TMEM132D: variants seen among roughly 807,000 people sequenced by gnomAD.
TMEM132D encodes the protein mature OL transmembrane protein.
TMEM132D carries 21 observed loss-of-function variants against 62.3 expected under a neutral mutation model. The ratio of observed to expected loss-of-function variants is 0.34; its 90% confidence interval spans 0.24 to 0.49. The LOEUF is 0.49. Ranked by LOEUF, TMEM132D falls within the 20% of genes least tolerant of loss-of-function variation. TMEM132D has a pLI of 0.99. For synonymous variants in TMEM132D, 621 were observed against 575.6 expected, an observed-to-expected ratio of 1.08 and a Z score of -1.13; for missense variants, 1,346 against 1,402.8, an observed-to-expected ratio of 0.96 and a Z score of 0.65.
chr12:129,726,346 G>A (rs4760001), intron 1 of TMEM132D, among the ~76,000 whole-genome samples: 124,169 of 152,112 alleles, frequency 0.82, 51,375 homozygotes, highest in Non-Finnish European at 0.9. Context: ...ATTTGAAAAG[G>A]GACCCAGATA....
At chr12:129,882,783 T>A (rs150815382) in intron 1 of TMEM132D, among the ~76,000 whole-genome samples, 1 of 152,196 alleles carries the variant, frequency 6.6e-6, no homozygotes, top group South Asian at 2.1e-4. Context: ...CAGATGATCA[T>A]GGCAATTGGT....
intron 2 of TMEM132D, among the ~76,000 whole-genome samples, chr12:129,533,154 G>A (rs554007596): frequency 2.6e-5 from 4 of 152,128 alleles, no homozygotes; most frequent in East Asian, 1.9e-4. Context: ...TGATCATCAC[G>A]TATAACATTA....
At chr12:129,710,190 G>C (rs954461488) in intron 1 of TMEM132D, among the ~76,000 whole-genome samples, 2 of 152,218 alleles carry the variant, frequency 1.3e-5, no homozygotes, top group Non-Finnish European at 2.9e-5. Flanking sequence ...AATAATAGTT[G>C]TATCCACCTG....
At chr12:129,307,049 G>A (rs1475726635) in intron 4 of TMEM132D, among the ~76,000 whole-genome samples, 1 of 121,170 alleles carries the variant, frequency 8.3e-6, no homozygotes, top group African/African-American at 3.2e-5. Context: ...AAGTAACATA[G>A]GACAATAGAC....
chr12:129,282,174 C>T (rs895952311), intron 4 of TMEM132D, among the ~76,000 whole-genome samples: 1 of 152,168 alleles, frequency 6.6e-6, no homozygotes, highest in African/African-American at 2.4e-5. Flanking sequence ...TGAGGAAACA[C>T]TGAGGTTTGC....
chr12:129,301,983 A>C (rs1039899839), intron 4 of TMEM132D, among the ~76,000 whole-genome samples: 2 of 152,160 alleles, frequency 1.3e-5, no homozygotes, highest in African/African-American at 4.8e-5. Flanking sequence ...TAAAAAAAAA[A>C]ACGTATTGTC....
intron 4 of TMEM132D, among the ~76,000 whole-genome samples, chr12:129,226,093 T>C (rs549658422): frequency 2.6e-4 from 39 of 152,298 alleles, no homozygotes; most frequent in Middle Eastern, 3.4e-3. Context: ...GTGATGTTGA[T>C]TGCGTGTTAT....
chr12:129,770,678 C>G (rs1337393756), intron 1 of TMEM132D, among the ~76,000 whole-genome samples: 1 of 152,202 alleles, frequency 6.6e-6, no homozygotes, highest in Non-Finnish European at 1.5e-5. Context: ...AACATCACAG[C>G]TCAGCCTAGC....
At position 129,383,203 on chromosome 12, in the gene TMEM132D, C is replaced by T. The variant is rs76290862; in HGVS notation, c.1116-45386G>A. On this transcript the variant is annotated intron_variant, in intron 3 of 8. Coordinates refer to ENST00000422113, the MANE Select transcript of TMEM132D (RefSeq NM_133448.3). ...GCTGCCTCTCTCCACATGCAACCTACGTTCCAAATGTAAATTTGTATGTGT... is the reference window on the plus strand; with the variant it reads ...GCTGCCTCTCTCCACATGCAACCTATGTTCCAAATGTAAATTTGTATGTGT... 2.5e-3 allele frequency among the ~76,000 whole-genome samples: 377 copies of T among 152,284 alleles called. 1 individual carries two copies. Among genetic ancestry groups the T allele is most frequent in the Non-Finnish European group, 4.1e-3 (276 of 68,026 alleles).
intron 5 of TMEM132D, among the ~76,000 whole-genome samples, chr12:129,141,327 CATGTGTCTA>C (rs1449305866): frequency 6.6e-6 from 1 of 152,108 alleles, no homozygotes; most frequent in Admixed American, 6.5e-5. Context: ...TGAATTAGAC[CATGTGTCTA>C]ATGCTGTGGC....
intron 4 of TMEM132D, among the ~76,000 whole-genome samples, chr12:129,286,242 G>A (rs1442507164): frequency 6.6e-6 from 1 of 152,204 alleles, no homozygotes; most frequent in Non-Finnish European, 1.5e-5. Flanking sequence ...CAAAGCAGAA[G>A]GAGTACAGAA....
At chr12:129,455,633 G>A (rs1195439375) in intron 3 of TMEM132D, among the ~76,000 whole-genome samples, 1 of 152,176 alleles carries the variant, frequency 6.6e-6, no homozygotes, top group African/African-American at 2.4e-5. Context: ...AATTCTCCAA[G>A]GACAGAAAGG....
At chr12:129,654,297 AGTGTGT>A (rs10607475) in intron 2 of TMEM132D, among the ~76,000 whole-genome samples, 5 of 148,350 alleles carry the variant, frequency 3.4e-5, no homozygotes, top group African/African-American at 7.5e-5. Flanking sequence ...TGTGTGTGTG[AGTGTGT>A]GTGTGTGTGT....
intron 1 of TMEM132D, among the ~76,000 whole-genome samples, chr12:129,815,306 C>T (rs1327624872): frequency 6.6e-6 from 1 of 152,142 alleles, no homozygotes; most frequent in Non-Finnish European, 1.5e-5. Flanking sequence ...TAGCAGGTTT[C>T]AAAATAGTGT....
intron 1 of TMEM132D, among the ~76,000 whole-genome samples, chr12:129,849,377 A>G (rs1455743848): frequency 1.3e-5 from 2 of 152,234 alleles, no homozygotes; most frequent in African/African-American, 4.8e-5. Flanking sequence ...TAGGGGAAAA[A>G]GCAAATCTCC....
chr12:129,460,498 G>A (rs1873629861), intron 3 of TMEM132D, among the ~76,000 whole-genome samples: 1 of 152,156 alleles, frequency 6.6e-6, no homozygotes, highest in African/African-American at 2.4e-5. Context: ...TGATGGGCTT[G>A]TTACCTACCT....
chr12:129,903,522 G>A lies in TMEM132D; in HGVS notation c.-183C>T. ...GTCCATGGCCAGGCCGGGAGGCGAC[G>A]ACCGCGCGGGCTCCTGAGTTGCTCT... On this transcript the variant is annotated 5_prime_UTR_variant, in exon 1 of 9. Coordinates refer to ENST00000422113, the MANE Select transcript of TMEM132D (RefSeq NM_133448.3). This position sits in a 1 kb window ranked among gnomAD's most constrained non-coding sequence, Gnocchi z 6.2. 3.3e-6 allele frequency: 2 copies of A among 615,026 alleles called. No individual in the cohort carries two copies. Among genetic ancestry groups the A allele is most frequent in the Non-Finnish European group, 2.9e-6 (1 of 349,368 alleles). The allele number at this position is 615,026 out of a possible 1,614,324, so 38.1% of individuals were successfully genotyped here. A position where few individuals can be genotyped will look rare whatever the true frequency, so the allele number is the denominator to read the frequency against.
intron 1 of TMEM132D, among the ~76,000 whole-genome samples, chr12:129,875,796 A>G (rs545831688): frequency 6.6e-6 from 1 of 152,344 alleles, no homozygotes; most frequent in South Asian, 2.1e-4. Context: ...ATCCAAATTT[A>G]TCTTAATTTT....
At chr12:129,605,604 T>TATATATATATATATACACACAC (rs150550863) in intron 2 of TMEM132D, among the ~76,000 whole-genome samples, 3 of 106,308 alleles carry the variant, frequency 2.8e-5, no homozygotes, top group African/African-American at 7.8e-5. Flanking sequence ...TATATATATA[T>TATATATATATATATACACACAC]ACACACACAT....
Sources: allele counts gnomAD v4.1 joint callset (sites outside exome capture counted in the v4.1 genomes callset), GRCh38; gene constraint gnomAD v4.1.1; non-coding constraint Gnocchi (gnomAD v3.1); transcripts MANE v1.5; gene names NCBI Gene and HGNC (gene_info 2026-07-23, HGNC 2026-07-21).